The following SNTB1 variants were observed in gnomAD, a reference collection of about 807,000 sequenced individuals.
SNTB1 encodes the protein syntrophin beta 1.
A neutral mutation model predicts 48.9 loss-of-function variants in SNTB1; 36 were observed. That is an observed-to-expected ratio of 0.74 (90% CI 0.56 to 0.97). SNTB1 has a LOEUF of 0.97. Ranked by LOEUF, SNTB1 falls within the 50% of genes least tolerant of loss-of-function variation. The pLI is 0.00. For synonymous variants in SNTB1, 299 were observed against 294.6 expected (o/e 1.01, Z -0.15); for missense variants, 786 against 703.4 (o/e 1.12, Z -1.33).
intron 1 of SNTB1, among the ~76,000 whole-genome samples, chr8:120,701,512 G>C (rs750422543): frequency 5.3e-5 from 8 of 152,156 alleles, no homozygotes; most frequent in Non-Finnish European, 8.8e-5. Context: ...TCATCACCAA[G>C]AAATAGCCCT....
chr8:120,675,184 A>G (rs936237306), intron 2 of SNTB1, among the ~76,000 whole-genome samples: 17 of 152,200 alleles, frequency 1.1e-4, no homozygotes, highest in African/African-American at 3.9e-4. Flanking sequence ...GCTTCAAGTA[A>G]AAAGAAAGTA....
chr8:120,591,907 AGAT>A (rs995149149), intron 3 of SNTB1, among the ~76,000 whole-genome samples: 6 of 152,126 alleles, frequency 3.9e-5, no homozygotes, highest in East Asian at 1.9e-4. Flanking sequence ...GCTCAGTTAA[AGAT>A]GATGATGATG....
intron 3 of SNTB1, among the ~76,000 whole-genome samples, chr8:120,595,174 TC>T (rs1816303055): frequency 6.6e-6 from 1 of 152,110 alleles, no homozygotes; most frequent in African/African-American, 2.4e-5. Flanking sequence ...AGCAACTCCA[TC>T]TTGAATAGGA....
At chr8:120,609,889 C>G (rs1816592628) in intron 3 of SNTB1, among the ~76,000 whole-genome samples, 1 of 152,126 alleles carries the variant, frequency 6.6e-6, no homozygotes, top group Non-Finnish European at 1.5e-5. Context: ...TCCTGGGAAC[C>G]ATAGCATAGA....
At chr8:120,779,247 G>A (rs976769174) in intron 1 of SNTB1, among the ~76,000 whole-genome samples, 3 of 152,230 alleles carry the variant, frequency 2.0e-5, no homozygotes, top group African/African-American at 7.2e-5. Flanking sequence ...GCTCATGCCT[G>A]TAATCCCAGC....
At chr8:120,668,675 G>T (rs936364692) in intron 2 of SNTB1, among the ~76,000 whole-genome samples, 1 of 152,186 alleles carries the variant, frequency 6.6e-6, no homozygotes, top group African/African-American at 2.4e-5. Flanking sequence ...ACCAATTATA[G>T]GGTCTGTATA....
chr8:120,785,756 A>C (rs1046036865), intron 1 of SNTB1, among the ~76,000 whole-genome samples: 1 of 152,060 alleles, frequency 6.6e-6, no homozygotes, highest in African/African-American at 2.4e-5. Context: ...GCAAACACAA[A>C]TCCCACTGTT....
At chr8:120,802,988 C>G (rs867291352) in intron 1 of SNTB1, among the ~76,000 whole-genome samples, 1 of 151,830 alleles carries the variant, frequency 6.6e-6, no homozygotes, top group Non-Finnish European at 1.5e-5. Flanking sequence ...ACTGCACTAA[C>G]CTGCTTTGAG....
intron 1 of SNTB1, among the ~76,000 whole-genome samples, chr8:120,753,699 C>T (rs1305031267): frequency 2.6e-5 from 4 of 152,094 alleles, no homozygotes; most frequent in East Asian, 1.9e-4. Flanking sequence ...CAGGTGTGTG[C>T]GGTCAGCAGA....
At chr8:120,586,930 T>A (rs190813010) in intron 3 of SNTB1, among the ~76,000 whole-genome samples, 1 of 152,218 alleles carries the variant, frequency 6.6e-6, no homozygotes, top group Non-Finnish European at 1.5e-5. Context: ...GTTTTAAGAA[T>A]CCCTAAATGG....
At chr8:120,567,148 C>CT (rs1815763869) in intron 4 of SNTB1, among the ~76,000 whole-genome samples, 3 of 152,146 alleles carry the variant, frequency 2.0e-5, no homozygotes, top group African/African-American at 7.2e-5. Context: ...GGAATAAAAC[C>CT]TTAACCTTAT....
Position 120,811,797 on chromosome 8 carries a change from C to T in SNTB1, c.47G>A (p.Gly16Glu). 3 of 1,415,844 alleles carry T rather than the reference C, an allele frequency of 2.1e-6. No homozygotes were observed. The highest frequency in any genetic ancestry group is 1.7e-5 in the South Asian group (1 of 59,538). The allele number at this position is 1,415,844 out of a possible 1,614,324, so 87.7% of individuals were successfully genotyped here. A position where few individuals can be genotyped will look rare whatever the true frequency, so the allele number is the denominator to read the frequency against. ...CCCGCTCCGCTGCGCCCGGCCGCCT[C>T]CCGCGCCAGCCGGCCCAGCCGCCGC... ...AAAAAGPAGAGGGRAQRSGLL... is the reference protein window; with the variant it reads ...AAAAAGPAGAEGGRAQRSGLL... The change falls in exon 1 of 7, where the codon GGA becomes GAA. Residue 16 changes from glycine (G) to glutamate (E), a missense_variant. By Grantham distance (98) the Gly-to-Glu change is moderately conservative. Coordinates refer to ENST00000517992, the MANE Select transcript of SNTB1 (RefSeq NM_021021.4).
chr8:120,593,158 G>A (rs1412543646), intron 3 of SNTB1, among the ~76,000 whole-genome samples: 1 of 152,156 alleles, frequency 6.6e-6, no homozygotes, highest in South Asian at 2.1e-4. Context: ...TCACAGGGTA[G>A]ATCATGAAGA....
chr8:120,568,937 C>T (rs978184239), intron 4 of SNTB1, among the ~76,000 whole-genome samples: 3 of 152,278 alleles, frequency 2.0e-5, no homozygotes, highest in Non-Finnish European at 4.4e-5. Flanking sequence ...TTTATGGTTG[C>T]ATCATAGACA....
intron 5 of SNTB1, among the ~76,000 whole-genome samples, chr8:120,543,137 C>T (rs1217137165): frequency 6.6e-6 from 1 of 152,178 alleles, no homozygotes; most frequent in Non-Finnish European, 1.5e-5. Context: ...AGCTTATGAG[C>T]TGGGCAAGGG....
At chr8:120,567,135 A>G (rs1815763673) in intron 4 of SNTB1, among the ~76,000 whole-genome samples, 1 of 152,224 alleles carries the variant, frequency 6.6e-6, no homozygotes, top group African/African-American at 2.4e-5. Context: ...GATCTGTGAA[A>G]TAGGAATAAA....
intron 1 of SNTB1, among the ~76,000 whole-genome samples, chr8:120,791,654 T>C (rs1484474275): frequency 6.6e-6 from 1 of 151,824 alleles, no homozygotes; most frequent in Non-Finnish European, 1.5e-5. Flanking sequence ...CTTGAAGCTA[T>C]GAATTTCTCA....
chr8:120,600,295 G>C (rs1334619720), intron 3 of SNTB1, among the ~76,000 whole-genome samples: 1 of 152,242 alleles, frequency 6.6e-6, no homozygotes, highest in Non-Finnish European at 1.5e-5. Context: ...CATGCTGAGA[G>C]AGGCCCAAGC....
At chr8:120,726,201 C>A (rs148279847) in intron 1 of SNTB1, among the ~76,000 whole-genome samples, 133 of 152,278 alleles carry the variant, frequency 8.7e-4, no homozygotes, top group Non-Finnish European at 1.6e-3. Flanking sequence ...TTTGAAAAAT[C>A]TATTTTTGTA....
Sources: gnomAD v4.1 joint callset for allele counts (sites outside exome capture counted in the v4.1 genomes callset) on GRCh38, gnomAD v4.1.1 for gene constraint, MANE v1.5 for transcripts, NCBI Gene and HGNC (gene_info 2026-07-23, HGNC 2026-07-21) for gene names.